IQGAP2: variants seen among roughly 807,000 people sequenced by gnomAD.
The protein encoded by IQGAP2 is IQ motif containing GTPase activating protein 2.
Under a neutral mutation model 201.3 loss-of-function variants are expected in IQGAP2, and 173 were observed. The observed-to-expected ratio is 0.86, with a 90% confidence interval of 0.76 to 0.98. IQGAP2 has a LOEUF of 0.98. Among genes scored for constraint, IQGAP2 ranks in the 50% least tolerant of loss-of-function variants. The pLI is 0.00. For synonymous variants in IQGAP2, 675 were observed against 673.9 expected, an observed-to-expected ratio of 1.00 and a Z score of -0.03; for missense variants, 1,687 against 1,864.8, an observed-to-expected ratio of 0.90 and a Z score of 1.76.
chr5:76,550,793 T>C (rs1002269275), intron 2 of IQGAP2, among the ~76,000 whole-genome samples: 35 of 152,338 alleles, frequency 2.3e-4, no homozygotes, highest in African/African-American at 8.4e-4. Context: ...CTCTTTCTTT[T>C]CCCCACATTT....
intron 2 of IQGAP2, among the ~76,000 whole-genome samples, chr5:76,469,043 GT>G (rs1419922664): frequency 6.6e-6 from 1 of 152,188 alleles, no homozygotes; most frequent in Non-Finnish European, 1.5e-5. Context: ...CATTTTGGAT[GT>G]TGGAGGTAAC....
intron 17 of IQGAP2, among the ~76,000 whole-genome samples, chr5:76,650,296 T>G (rs989965262): frequency 6.6e-6 from 1 of 152,262 alleles, no homozygotes; most frequent in Non-Finnish European, 1.5e-5. Flanking sequence ...TGTTTACACA[T>G]GTGCGTATTT....
intron 5 of IQGAP2, 39 bp from the exon 6 acceptor site, chr5:76,588,867 T>C (rs1359367477): frequency 8.1e-7 from 1 of 1,230,462 alleles, no homozygotes; most frequent in Non-Finnish European, 1.2e-6. Flanking sequence ...AGACTTATGA[T>C]GATAAAATTT....
At chr5:76,455,573 C>G (rs1204251340) in intron 1 of IQGAP2, among the ~76,000 whole-genome samples, 1 of 152,022 alleles carries the variant, frequency 6.6e-6, no homozygotes, top group Non-Finnish European at 1.5e-5. Context: ...AACCCTCTTT[C>G]ATGTGTAGAT....
intron 3 of IQGAP2, among the ~76,000 whole-genome samples, chr5:76,567,175 T>G (rs1268176772): frequency 6.6e-6 from 1 of 152,214 alleles, no homozygotes; most frequent in Non-Finnish European, 1.5e-5. Context: ...GCCATTAACT[T>G]TGGCTCTCTG....
At chr5:76,457,162 A>AT (rs1398761525) in intron 1 of IQGAP2, among the ~76,000 whole-genome samples, 1 of 151,694 alleles carries the variant, frequency 6.6e-6, no homozygotes, top group African/African-American at 2.4e-5. Flanking sequence ...AATTTTTTGT[A>AT]TTTTTTTGTA....
chr5:76,671,864 A>C lies in IQGAP2; in HGVS notation c.2949A>C (p.Gln983His). 6.2e-7 allele frequency: 1 copy of C among 1,613,980 alleles called. No individual in the cohort carries two copies. Among genetic ancestry groups the C allele is most frequent in the Non-Finnish European group, 8.5e-7 (1 of 1,179,970 alleles). ...CCCGGGGACAGAACACCCTGCGCCAACTCCTGGCTCCAGTGGTAAAAGAGA... is the reference window on the plus strand; with the variant it reads ...CCCGGGGACAGAACACCCTGCGCCACCTCCTGGCTCCAGTGGTAAAAGAGA... ...RGARGQNTLR[Q>H]LLAPVVKEII... Residue 983 changes from glutamine to histidine, a missense_variant, in exon 24 of 36, where the codon CAA (glutamine) becomes CAC (histidine). Gln to His is a conservative substitution (Grantham distance 24). Transcript: ENST00000274364.
At chr5:76,410,665 A>T (rs1751058370) in intron 1 of IQGAP2, among the ~76,000 whole-genome samples, 1 of 152,210 alleles carries the variant, frequency 6.6e-6, no homozygotes, top group South Asian at 2.1e-4. Context: ...CAGGACAAGG[A>T]TATTGACAAC....
chr5:76,586,555 C>T (rs1746262381), intron 5 of IQGAP2, among the ~76,000 whole-genome samples: 1 of 152,210 alleles, frequency 6.6e-6, no homozygotes, highest in South Asian at 2.1e-4. Flanking sequence ...TAAATAACAT[C>T]TTGTTGCTAT....
chr5:76,567,858 G>A (rs1744862635), intron 3 of IQGAP2, among the ~76,000 whole-genome samples: 1 of 152,144 alleles, frequency 6.6e-6, no homozygotes, highest in Admixed American at 6.5e-5. Context: ...GATGAACCAT[G>A]TTTGCTGGTG....
intron 11 of IQGAP2, among the ~76,000 whole-genome samples, chr5:76,602,681 G>A (rs1747509253): frequency 1.3e-5 from 2 of 152,008 alleles, no homozygotes; most frequent in Admixed American, 1.3e-4. Flanking sequence ...CACTTGTATT[G>A]GCCCCAAATG....
intron 1 of IQGAP2, among the ~76,000 whole-genome samples, chr5:76,418,206 C>CAAAAA (rs11329998): frequency 4.7e-5 from 4 of 85,784 alleles, no homozygotes; most frequent in Admixed American, 1.3e-4. Context: ...GACTCCGTCT[C>CAAAAA]AAAAAAAAAA....
intron 18 of IQGAP2, among the ~76,000 whole-genome samples, chr5:76,653,839 C>A (rs1561554124): frequency 6.6e-6 from 1 of 152,166 alleles, no homozygotes; most frequent in Non-Finnish European, 1.5e-5. Context: ...AAACCCTAGA[C>A]TTAGTTTACT....
chr5:76,683,145 C>G lies in IQGAP2; in HGVS notation c.3691C>G (p.Pro1231Ala). The G allele has an allele frequency of 1.2e-6, 2 of 1,610,818 alleles. No homozygotes were observed. The highest frequency in any genetic ancestry group is 1.7e-6 in the Non-Finnish European group (2 of 1,178,408). Residue 1231 changes from proline (P) to alanine (A), a missense_variant, in exon 29 of 36, where the codon CCT (proline) becomes GCT (alanine). Physicochemically the swap from Pro to Ala is conservative, Grantham distance 27. Coordinates refer to ENST00000274364, the MANE Select transcript of IQGAP2 (RefSeq NM_006633.5). ...GTTGGAACACCAGGATGCAATTGCC[C>G]CTGAGAAAAATGACTTACTGAGTGA... is the stretch of plus-strand genomic sequence containing the variant. Reference protein sequence around the residue: ...LLLEHQDAIAPEKNDLLSELL... With the variant: ...LLLEHQDAIAAEKNDLLSELL...
Position 76,707,482 on chromosome 5 carries a change from G to T in IQGAP2, c.*169G>T. 5.1e-6 allele frequency: 3 copies of T among 592,800 alleles called. No individual in the cohort carries two copies. In the East Asian group the frequency reaches 8.6e-5, roughly 17 times the overall value. The allele number at this position is 592,800 out of a possible 1,614,324, so 36.7% of individuals were successfully genotyped here. On this transcript the variant is annotated 3_prime_UTR_variant, in exon 36 of 36. Coordinates refer to ENST00000274364, the MANE Select transcript of IQGAP2 (RefSeq NM_006633.5). ...TACCCAGGTGCCTTTTTGCTAATTT[G>T]ATACTATAATAGAATGAGACATAAA...
chr5:76,553,137 C>T (rs1743679818), intron 2 of IQGAP2, among the ~76,000 whole-genome samples: 2 of 152,154 alleles, frequency 1.3e-5, no homozygotes, highest in African/African-American at 4.8e-5. Context: ...GGCAGTTTTG[C>T]ATTGGCCTCC....
chr5:76,431,360 A>G (rs1043431983), intron 1 of IQGAP2, among the ~76,000 whole-genome samples: 1 of 152,134 alleles, frequency 6.6e-6, no homozygotes, highest in Non-Finnish European at 1.5e-5. Flanking sequence ...TGTAAAGTTT[A>G]ATTTAGTTAA....
intron 1 of IQGAP2, among the ~76,000 whole-genome samples, chr5:76,445,711 G>A (rs558575722): frequency 1.2e-4 from 18 of 152,146 alleles, no homozygotes; most frequent in Non-Finnish European, 2.1e-4. Flanking sequence ...GTGATCTGCT[G>A]CCTCAGCCTC....
Position 76,641,024 on chromosome 5 carries a change from C to T in IQGAP2, c.2015C>T (p.Ser672Leu), listed in dbSNP as rs1482744202. The change falls in exon 17 of 36, where the codon TCA (serine) becomes TTA (leucine). Residue 672 changes from serine (S) to leucine (L), a missense_variant. Transcript: ENST00000274364. Reference sequence around the variant, plus strand: ...CTTCTTCGCTTTCAAGCCACAAGCTCAGGACCCATCCTTAGGGAAGAGTTT... The same window carrying T: ...CTTCTTCGCTTTCAAGCCACAAGCTTAGGACCCATCCTTAGGGAAGAGTTT... ...ELLLRFQATS[S>L]GPILREEFEA... 1 of 1,611,558 alleles carries T rather than the reference C, an allele frequency of 6.2e-7. No homozygotes were observed. Among genetic ancestry groups the T allele is most frequent in the African/African-American group, 1.3e-5 (1 of 74,880 alleles).
Sources: gnomAD v4.1 joint callset for allele counts (sites outside exome capture counted in the v4.1 genomes callset) on GRCh38, gnomAD v4.1.1 for gene constraint, MANE v1.5 for transcripts, NCBI Gene and HGNC (gene_info 2026-07-23, HGNC 2026-07-21) for gene names.